The following PCDHA5 variants were observed in gnomAD, a reference collection of about 807,000 sequenced individuals.
The protein encoded by PCDHA5 is protocadherin alpha-5.
A neutral mutation model predicts 61.6 loss-of-function variants in PCDHA5; 43 were observed. The observed-to-expected ratio is 0.70, with a 90% CI of 0.55 to 0.90. The LOEUF is 0.90. Ranked by LOEUF, PCDHA5 falls within the 40% of genes least tolerant of loss-of-function variation. The pLI is 0.00. For missense variants in PCDHA5, 1,298 were observed against 1,222.7 expected (o/e 1.06, Z -0.92); for synonymous variants, 627 against 543.9 (o/e 1.15, Z -2.13).
rs782473800 is a variant in PCDHA5 at position 140,927,043 on chromosome 5, T to C, written c.2353-51906T>C. On this transcript the variant is annotated intron_variant, in intron 1 of 3. Transcript: ENST00000529859. Reference sequence around the variant, plus strand: ...CTTGAGGCTGCCAGCGGCCGCTATGTCCTCGCGGAACTTTCGCTTCCTTTC... The same window carrying C: ...CTTGAGGCTGCCAGCGGCCGCTATGCCCTCGCGGAACTTTCGCTTCCTTTC... 11 of 1,612,262 alleles carry C rather than the reference T, an allele frequency of 6.8e-6. No homozygotes were observed. Among genetic ancestry groups the C allele is most frequent in the Non-Finnish European group, 9.3e-6 (11 of 1,178,916 alleles).
intron 3 of PCDHA5, among the ~76,000 whole-genome samples, chr5:140,993,781 A>T (rs1587593339): frequency 6.6e-6 from 1 of 152,216 alleles, no homozygotes; most frequent in African/African-American, 2.4e-5. Flanking sequence ...TATTTTGTAC[A>T]GTAACATGCT....
At chr5:140,854,853 C>T (rs1441066752) in intron 1 of PCDHA5, among the ~76,000 whole-genome samples, 1 of 149,620 alleles carries the variant, frequency 6.7e-6, no homozygotes, top group East Asian at 1.9e-4. Flanking sequence ...GATAAAATTA[C>T]TAGATATATT....
At chr5:140,877,374 A>T in intron 1 of PCDHA5, 1 of 1,613,970 alleles carries the variant, frequency 6.2e-7, no homozygotes, top group African/African-American at 1.3e-5. Flanking sequence ...TCAGCACGAC[A>T]CGCATCCTGG....
At chr5:140,918,941 T>C (rs1476342004) in intron 1 of PCDHA5, among the ~76,000 whole-genome samples, 1 of 152,228 alleles carries the variant, frequency 6.6e-6, no homozygotes, top group East Asian at 1.9e-4. Context: ...TTTGTTATAA[T>C]ATCCTGAACA....
intron 1 of PCDHA5, among the ~76,000 whole-genome samples, chr5:140,874,127 A>G (rs1297073584): frequency 2.0e-5 from 3 of 151,564 alleles, no homozygotes; most frequent in Non-Finnish European, 4.4e-5. Flanking sequence ...TAGTTTATTT[A>G]AGTTATCTTA....
At chr5:140,972,854 G>C (rs895738831) in intron 1 of PCDHA5, among the ~76,000 whole-genome samples, 1 of 151,946 alleles carries the variant, frequency 6.6e-6, no homozygotes, top group African/African-American at 2.4e-5. Context: ...AGTAGAGATG[G>C]GGTTTCATCA....
chr5:140,956,044 T>G (rs1335890349), intron 1 of PCDHA5, among the ~76,000 whole-genome samples: 1 of 152,200 alleles, frequency 6.6e-6, no homozygotes, highest in African/African-American at 2.4e-5. Context: ...AAGAAGCTTT[T>G]GGGCTGAGAC....
At chr5:141,008,206 G>A (rs979113429) in intron 3 of PCDHA5, among the ~76,000 whole-genome samples, 1 of 152,184 alleles carries the variant, frequency 6.6e-6, no homozygotes, top group African/African-American at 2.4e-5. Flanking sequence ...TAATGAACTT[G>A]ACATGAGTTA....
intron 1 of PCDHA5, chr5:140,869,913 C>T (rs782111162): frequency 3.7e-6 from 6 of 1,610,754 alleles, no homozygotes; most frequent in Non-Finnish European, 5.1e-6. Flanking sequence ...CAGACCGAGA[C>T]GAAGGAGTCA....
intron 1 of PCDHA5, among the ~76,000 whole-genome samples, chr5:140,938,897 G>A (rs72800999): frequency 0.012 from 1,856 of 151,306 alleles, 24 homozygotes; most frequent in Non-Finnish European, 0.018. Flanking sequence ...ACACAGATGC[G>A]CACACACACA....
At position 140,877,744 on chromosome 5, in the gene PCDHA5, G is replaced by T. The variant is rs200651425; in HGVS notation, c.2352+53617G>T. ...TTACTCGCAGCAGAGGAGGCAGAGG[G>T]TGTGCTCTGCAGAGAGCCCGCCCAA... On this transcript the variant is annotated intron_variant, in intron 1 of 3. Coordinates refer to ENST00000529859, the MANE Select transcript of PCDHA5 (RefSeq NM_018908.3). The T allele has an allele frequency of 3.3e-3, 5,393 of 1,614,198 alleles. 26 individuals carry two copies. Among genetic ancestry groups the T allele is most frequent in the South Asian group, 0.011 (995 of 91,084 alleles).
chr5:140,942,588 A>T (rs1416575390), intron 1 of PCDHA5, among the ~76,000 whole-genome samples: 1 of 149,588 alleles, frequency 6.7e-6, no homozygotes, highest in South Asian at 2.1e-4. Flanking sequence ...AGGATGTCAC[A>T]TATAATTATA....
intron 1 of PCDHA5, among the ~76,000 whole-genome samples, chr5:140,959,954 A>G (rs1054998147): frequency 6.6e-6 from 1 of 152,198 alleles, no homozygotes; most frequent in East Asian, 1.9e-4. Context: ...TATCATAGGT[A>G]GGAGGTAGAT....
At chr5:140,870,417 C>T (rs2051990915) in intron 1 of PCDHA5, 1 of 1,614,092 alleles carries the variant, frequency 6.2e-7, no homozygotes, top group Admixed American at 1.7e-5. Flanking sequence ...GGGCCACGGC[C>T]AGGGTATCCG....
At chr5:140,892,086 C>T (rs965682257) in intron 1 of PCDHA5, among the ~76,000 whole-genome samples, 1 of 152,156 alleles carries the variant, frequency 6.6e-6, no homozygotes, top group Non-Finnish European at 1.5e-5. Context: ...CTAGTTTCCT[C>T]TCGAAACTTT....
At chr5:140,922,336 A>G (rs1554200779) in intron 1 of PCDHA5, among the ~76,000 whole-genome samples, 2 of 152,226 alleles carry the variant, frequency 1.3e-5, no homozygotes, top group African/African-American at 4.8e-5. Context: ...GGGTTGGTAT[A>G]TTGGTATTTT....
At chr5:140,914,596 C>A (rs1454753124) in intron 1 of PCDHA5, among the ~76,000 whole-genome samples, 1 of 152,128 alleles carries the variant, frequency 6.6e-6, no homozygotes, top group Non-Finnish European at 1.5e-5. Flanking sequence ...TAAGTAGGAA[C>A]TTCCTCCTGC....
chr5:140,928,994 T>C, intron 1 of PCDHA5: 1 of 1,613,992 alleles, frequency 6.2e-7, no homozygotes. Context: ...TGCTTACTTT[T>C]CTTCGTGTGT....
chr5:141,010,285 C>G lies in PCDHA5; in HGVS notation c.*348C>G, dbSNP rs1214485732. ...CTCCGGGGATCCTGTCTTGATGACA[C>G]TTGCAGGGCAGGCTGAAAAGTTTTG... On this transcript the variant is annotated 3_prime_UTR_variant, in exon 4 of 4. Transcript: ENST00000529859. 1.3e-6 allele frequency: 2 copies of G among 1,550,576 alleles called. No individual in the cohort carries two copies. Among genetic ancestry groups the G allele is most frequent in the Non-Finnish European group, 1.7e-6 (2 of 1,146,690 alleles).
Sources: gnomAD v4.1 joint callset for allele counts (sites outside exome capture counted in the v4.1 genomes callset) on GRCh38, gnomAD v4.1.1 for gene constraint, MANE v1.5 for transcripts, NCBI Gene and HGNC (gene_info 2026-07-23, HGNC 2026-07-21) for gene names.